The following GFOD1 variants were observed in gnomAD, a reference collection of about 807,000 sequenced individuals.
GFOD1 encodes Gfo/Idh/MocA-like oxidoreductase domain containing 1.
Under a neutral mutation model 25.4 loss-of-function variants are expected in GFOD1, and 9 were observed. That is an observed-to-expected ratio of 0.35 (90% CI 0.21 to 0.62). GFOD1 has a LOEUF of 0.62. GFOD1 is among the 20% of genes least tolerant of loss of function. The probability of loss-of-function intolerance (pLI) is 0.72; values close to 1 mark genes in which losing one functional copy is unlikely to be tolerated. For missense variants in GFOD1, 403 were observed against 556.9 expected (o/e 0.72, Z 2.78); for synonymous variants, 253 against 245.6 (o/e 1.03, Z -0.28).
chr6:13,442,891 T>G (rs1041859335), intron 1 of GFOD1, among the ~76,000 whole-genome samples: 2 of 152,224 alleles, frequency 1.3e-5, no homozygotes, highest in African/African-American at 2.4e-5. Flanking sequence ...AATTTTGACT[T>G]TCAAATCTTA....
intron 1 of GFOD1, among the ~76,000 whole-genome samples, chr6:13,386,017 C>T (rs1293133726): frequency 6.6e-6 from 1 of 151,630 alleles, no homozygotes; most frequent in Non-Finnish European, 1.5e-5. Context: ...ACTCCATTCC[C>T]TTATCCTATC....
At chr6:13,407,502 C>T (rs7746830) in intron 1 of GFOD1, among the ~76,000 whole-genome samples, 18,308 of 152,206 alleles carry the variant, frequency 0.12, 1,772 homozygotes, top group African/African-American at 0.27. Context: ...AGCAGCACTC[C>T]TTGACCAGAA....
rs579240 is a variant in GFOD1 at position 13,359,099 on chromosome 6, T to C, written c.*5644A>G. ...AAAGAAGCGCAGGAGGTCTTGACTC[T>C]TCCTATGAGAAGTCCCAGAAGCCCC... is the stretch of plus-strand genomic sequence containing the variant. On this transcript the variant is annotated 3_prime_UTR_variant, in exon 2 of 2. Transcript: ENST00000379287. The C allele has an allele frequency of 0.19, 28,201 of 152,256 alleles. 6,985 individuals are homozygous for C. Among genetic ancestry groups the C allele is most frequent in the African/African-American group, 0.57 (23,626 of 41,450 alleles). 9.4% of individuals were successfully genotyped at this position (152,256 alleles called of 1,614,324 possible).
chr6:13,385,159 A>G (rs554827443), intron 1 of GFOD1, among the ~76,000 whole-genome samples: 1 of 152,252 alleles, frequency 6.6e-6, no homozygotes, highest in South Asian at 2.1e-4. Context: ...CTTGGCAACC[A>G]CTGCCATCCA....
intron 1 of GFOD1, chr6:13,486,309 T>C: frequency 3.0e-6 from 1 of 337,228 alleles, no homozygotes; most frequent in Non-Finnish European, 5.2e-6. Context: ...AACTTTCCTC[T>C]TCTCGCGGAG....
intron 1 of GFOD1, among the ~76,000 whole-genome samples, chr6:13,479,724 G>A (rs1164807391): frequency 1.3e-5 from 2 of 152,156 alleles, no homozygotes; most frequent in African/African-American, 4.8e-5. Context: ...TCGTTCAACT[G>A]CACCTAATTT....
rs149507458 is a variant in GFOD1, at chr6:13,444,597, T to C, written c.253+42041A>G. Among the ~76,000 whole-genome samples the C allele has an allele frequency of 7.0e-3, 1,067 of 152,282 alleles. 5 individuals carry two copies. Among genetic ancestry groups the C allele is most frequent in the Non-Finnish European group, 0.011 (729 of 68,026 alleles). On this transcript the variant is annotated intron_variant, in intron 1 of 1. Coordinates refer to ENST00000379287, the MANE Select transcript of GFOD1 (RefSeq NM_018988.4). ...TATGTTCACGTGCTTTATATTTATG[T>C]TCAATATTTTTATTGGGATTGAATT...
rs767046415 is a variant in GFOD1, at chr6:13,409,171, G to GAA, written c.254-43510_254-43509insTT. 6.9e-3 allele frequency among the ~76,000 whole-genome samples: 142 copies of GAA among 20,600 alleles called. 9 individuals are homozygous for GAA. The highest frequency in any genetic ancestry group is 0.021 in the Middle Eastern group (1 of 48). 13.5% of individuals were successfully genotyped at this position (20,600 alleles called of 152,430 possible). ...AAAGAGAGGAAAGAAAGAAAGGAAA[G>GAA]AGAGAGAGAGAGAGAAAGAAAGAAA... is the stretch of plus-strand genomic sequence containing the variant. On this transcript the variant is annotated intron_variant, in intron 1 of 1. Transcript: ENST00000379287.
chr6:13,366,646 TA>T (rs1554198892), intron 1 of GFOD1, among the ~76,000 whole-genome samples: 1 of 151,834 alleles, frequency 6.6e-6, no homozygotes, highest in African/African-American at 2.4e-5. Flanking sequence ...TTTTTTTTTT[TA>T]AAAGAGATGG....
At chr6:13,409,389 AAGG>A (rs1198882290) in intron 1 of GFOD1, among the ~76,000 whole-genome samples, 4 of 151,372 alleles carry the variant, frequency 2.6e-5, no homozygotes, top group African/African-American at 7.3e-5. Context: ...GGAAGGAAGG[AAGG>A]AAAAAAACAA....
chr6:13,439,947 C>T (rs1328501880), intron 1 of GFOD1, among the ~76,000 whole-genome samples: 4 of 152,172 alleles, frequency 2.6e-5, no homozygotes, highest in African/African-American at 9.7e-5. Context: ...AGACTAAGAA[C>T]CACTGCACAA....
At chr6:13,442,951 T>G (rs1757940337) in intron 1 of GFOD1, among the ~76,000 whole-genome samples, 1 of 152,238 alleles carries the variant, frequency 6.6e-6, no homozygotes, top group Non-Finnish European at 1.5e-5. Flanking sequence ...AGATAGTGAT[T>G]CCTCTGAAGG....
At chr6:13,477,207 C>T (rs1314116538) in intron 1 of GFOD1, among the ~76,000 whole-genome samples, 2 of 97,200 alleles carry the variant, frequency 2.1e-5, no homozygotes, top group Non-Finnish European at 4.7e-5. Context: ...AGAAACAGAA[C>T]CAATAGGGGG....
intron 1 of GFOD1, among the ~76,000 whole-genome samples, chr6:13,390,498 G>A (rs945512861): frequency 2.0e-5 from 3 of 152,092 alleles, no homozygotes; most frequent in Admixed American, 1.3e-4. Flanking sequence ...AGTGGAGGTA[G>A]GAGGATTCCT....
rs1302792625 is a variant in GFOD1 at position 13,430,433 on chromosome 6, C to T, written c.253+56205G>A. On this transcript the variant is annotated intron_variant, in intron 1 of 1. Transcript: ENST00000379287. The surrounding 1 kb of genome is among the most constrained non-coding windows in gnomAD (Gnocchi z 4.1). Reference sequence around the variant, plus strand: ...GCCTGGGTGACAGAACGAGACTCCACCTCAAAATAAATAAATAAGTAAATA... The same window carrying T: ...GCCTGGGTGACAGAACGAGACTCCATCTCAAAATAAATAAATAAGTAAATA... 1.3e-5 allele frequency among the ~76,000 whole-genome samples: 2 copies of T among 151,828 alleles called. No homozygotes were observed. The highest frequency in any genetic ancestry group is 2.4e-5 in the African/African-American group (1 of 41,312).
chr6:13,423,754 A>T (rs900866433), intron 1 of GFOD1, among the ~76,000 whole-genome samples: 1 of 152,196 alleles, frequency 6.6e-6, no homozygotes, highest in African/African-American at 2.4e-5. Flanking sequence ...CCTTCACTTG[A>T]AGTATTTCAG....
chr6:13,455,909 A>G (rs1758179585), intron 1 of GFOD1, among the ~76,000 whole-genome samples: 1 of 152,214 alleles, frequency 6.6e-6, no homozygotes, highest in African/African-American at 2.4e-5. Flanking sequence ...TGTCCAATAG[A>G]CAGGATGGGA....
In GFOD1 at chr6:13,487,156, C is replaced by T. The variant is rs1267975822; in HGVS notation, c.-266G>A. ...TCCCGGAGTCGGCGGCAGGGACCCC[C>T]CCAGGGCGCCGGAGGCTTCGAAGCC... is the stretch of plus-strand genomic sequence containing the variant. On this transcript the variant is annotated 5_prime_UTR_variant, in exon 1 of 2. Transcript: ENST00000379287. This position sits in a 1 kb window ranked among gnomAD's most constrained non-coding sequence, Gnocchi z 4.9. 4.7e-6 allele frequency: 2 copies of T among 429,468 alleles called. No homozygotes were observed. Among genetic ancestry groups the T allele is most frequent in the Non-Finnish European group, 8.2e-6 (2 of 244,796 alleles). 26.6% of individuals were successfully genotyped at this position (429,468 alleles called of 1,614,324 possible). A position where few individuals can be genotyped will look rare whatever the true frequency, so the allele number is the denominator to read the frequency against.
chr6:13,411,561 G>T (rs1195723077), intron 1 of GFOD1, among the ~76,000 whole-genome samples: 1 of 152,118 alleles, frequency 6.6e-6, no homozygotes, highest in African/African-American at 2.4e-5. Flanking sequence ...CAAAATGCTG[G>T]AATTACAGGC....
Sources: gnomAD v4.1 joint callset for allele counts (sites outside exome capture counted in the v4.1 genomes callset) on GRCh38, gnomAD v4.1.1 for gene constraint, Gnocchi (gnomAD v3.1) non-coding constraint, MANE v1.5 for transcripts, NCBI Gene and HGNC (gene_info 2026-07-23, HGNC 2026-07-21) for gene names.